The following PRKCB variants were observed in gnomAD, a reference collection of about 807,000 sequenced individuals.
PRKCB encodes protein kinase C beta type.
Under a neutral mutation model 81.5 loss-of-function variants are expected in PRKCB, and 13 were observed. The ratio of observed to expected loss-of-function variants is 0.16; its 90% CI spans 0.10 to 0.25. The LOEUF is 0.25. Among genes scored for constraint, PRKCB ranks in the 10% least tolerant of loss-of-function variants. The probability of loss-of-function intolerance (pLI) is 1.00; values close to 1 mark genes in which losing one functional copy is unlikely to be tolerated. For missense variants in PRKCB, 509 were observed against 875.7 expected, an observed-to-expected ratio of 0.58 and a Z score of 5.29; for synonymous variants, 335 against 321.4, an observed-to-expected ratio of 1.04 and a Z score of -0.45.
Position 24,123,427 on chromosome 16 carries a change from T to C in PRKCB, c.919-408T>C, listed in dbSNP as rs150338796. Among the ~76,000 whole-genome samples the C allele has an allele frequency of 3.8e-3, 577 of 152,278 alleles. 1 individual carries two copies. The highest frequency in any genetic ancestry group is 6.0e-3 in the Non-Finnish European group (406 of 68,006). ...ACCTCGATCTTTACCCTGAAAATGA[T>C]GGGATGCCACTGAGACATTTTAAGC... On this transcript the variant is annotated intron_variant, in intron 8 of 16. Coordinates refer to ENST00000643927, the MANE Select transcript of PRKCB (RefSeq NM_002738.7).
intron 2 of PRKCB, among the ~76,000 whole-genome samples, chr16:23,940,777 A>G (rs1421274569): frequency 6.6e-6 from 1 of 152,142 alleles, no homozygotes; most frequent in African/African-American, 2.4e-5. Context: ...TGCTATTACA[A>G]TGGTGTTCAG....
chr16:23,891,019 G>GTATATA (rs1491107508), intron 2 of PRKCB, among the ~76,000 whole-genome samples: 1 of 120,382 alleles, frequency 8.3e-6, no homozygotes, highest in African/African-American at 3.0e-5. Flanking sequence ...GTGTGTGTGT[G>GTATATA]TGTATATATA....
At position 23,898,067 on chromosome 16, in the gene PRKCB, A is replaced by ATT. The variant is rs34425730; in HGVS notation, c.205+60676_205+60677dup. On this transcript the variant is annotated intron_variant, in intron 2 of 16. Coordinates refer to ENST00000643927, the MANE Select transcript of PRKCB (RefSeq NM_002738.7). Reference sequence around the variant, plus strand: ...GCACATGCACCACCATGCCCGGCTAATTTTTTTTTTTTTTTTGAGACAGAG... The same window carrying ATT: ...GCACATGCACCACCATGCCCGGCTAATTTTTTTTTTTTTTTTTTGAGACAGAG... Among the ~76,000 whole-genome samples, 65 of 134,474 alleles carry ATT rather than the reference A, an allele frequency of 4.8e-4. 1 individual carries two copies. The highest frequency in any genetic ancestry group is 7.6e-4 in the Admixed American group (10 of 13,220). 88.2% of individuals were successfully genotyped at this position (134,474 alleles called of 152,430 possible).
chr16:24,102,011 A>C (rs1966514623), intron 7 of PRKCB, among the ~76,000 whole-genome samples: 1 of 152,190 alleles, frequency 6.6e-6, no homozygotes, highest in African/African-American at 2.4e-5. Flanking sequence ...TCAGGTCCAG[A>C]TTTCTATGAT....
chr16:24,102,573 T>A (rs1326154632), intron 7 of PRKCB, among the ~76,000 whole-genome samples: 1 of 152,252 alleles, frequency 6.6e-6, no homozygotes. Flanking sequence ...AGCTATCAGA[T>A]GTGGTGCACC....
intron 8 of PRKCB, among the ~76,000 whole-genome samples, chr16:24,119,235 A>G (rs1169440388): frequency 6.6e-6 from 1 of 151,930 alleles, no homozygotes; most frequent in Non-Finnish European, 1.5e-5. Context: ...GAGGGAGGAA[A>G]GAGGGGTGCC....
intron 3 of PRKCB, among the ~76,000 whole-genome samples, chr16:24,025,943 A>C (rs955034868): frequency 6.6e-6 from 1 of 152,114 alleles, no homozygotes; most frequent in African/African-American, 2.4e-5. Context: ...TCTGCATGGC[A>C]TGTCATAAGG....
At chr16:24,070,043 G>A (rs941231681) in intron 5 of PRKCB, among the ~76,000 whole-genome samples, 1 of 152,126 alleles carries the variant, frequency 6.6e-6, no homozygotes, top group African/African-American at 2.4e-5. Flanking sequence ...TGCTGTGCCA[G>A]ACACGAGTGC....
At chr16:24,132,006 A>G (rs1212427885) in intron 9 of PRKCB, among the ~76,000 whole-genome samples, 1 of 152,222 alleles carries the variant, frequency 6.6e-6, no homozygotes, top group African/African-American at 2.4e-5. Flanking sequence ...AATAAGGAAT[A>G]TGCGCAACAC....
rs548234151 is a variant in PRKCB at position 24,084,562 on chromosome 16, C to A, written c.530-8229C>A. On this transcript the variant is annotated intron_variant, in intron 5 of 16. Coordinates refer to ENST00000643927, the MANE Select transcript of PRKCB (RefSeq NM_002738.7). ...TACCTCTCTATCTTGAATCCTGAAC[C>A]CTTCAATAAAAGAATTACATTTTTT... Among the ~76,000 whole-genome samples, 3 of 151,906 alleles carry A rather than the reference C, an allele frequency of 2.0e-5. No individual in the cohort carries two copies. In the South Asian group the frequency reaches 6.3e-4, roughly 32 times the overall value.
chr16:23,921,266 C>T (rs933225687), intron 2 of PRKCB, among the ~76,000 whole-genome samples: 3 of 152,164 alleles, frequency 2.0e-5, no homozygotes, highest in African/African-American at 2.4e-5. Context: ...CTGAGTCTCT[C>T]TAGGTCTCAG....
intron 3 of PRKCB, among the ~76,000 whole-genome samples, chr16:24,020,996 C>CTTTCTT (rs1555491026): frequency 7.5e-6 from 1 of 132,528 alleles, no homozygotes; most frequent in Non-Finnish European, 1.6e-5. Context: ...TTCTTTCTTT[C>CTTTCTT]TTTCTTTCTT....
At chr16:24,130,936 T>G (rs1254535491) in intron 9 of PRKCB, among the ~76,000 whole-genome samples, 1 of 152,158 alleles carries the variant, frequency 6.6e-6, no homozygotes, top group Non-Finnish European at 1.5e-5. Flanking sequence ...TGGCTGCAAT[T>G]TTTCACGGTG....
At position 24,087,838 on chromosome 16, in the gene PRKCB, G is replaced by A. The variant is rs1176849066; in HGVS notation, c.530-4953G>A. 6.6e-5 allele frequency among the ~76,000 whole-genome samples: 10 copies of A among 152,204 alleles called. No homozygotes were observed. The Middle Eastern group carries it at 0.014, about 207-fold the overall frequency. Reference sequence around the variant, plus strand: ...ACTTGGACCAGAATGCAGAGGCCTCGCTTGCTCCAAAGACCCTTAGACAGA... The same window carrying A: ...ACTTGGACCAGAATGCAGAGGCCTCACTTGCTCCAAAGACCCTTAGACAGA... On this transcript the variant is annotated intron_variant, in intron 5 of 16. Coordinates refer to ENST00000643927, the MANE Select transcript of PRKCB (RefSeq NM_002738.7).
At chr16:24,100,269 G>A (rs1044877692) in intron 7 of PRKCB, among the ~76,000 whole-genome samples, 40 of 152,006 alleles carry the variant, frequency 2.6e-4, no homozygotes, top group Middle Eastern at 3.4e-3. Context: ...CTTGGCCGAG[G>A]AGGGGGTCTG....
intron 2 of PRKCB, among the ~76,000 whole-genome samples, chr16:23,928,112 A>T (rs1022015124): frequency 6.6e-6 from 1 of 151,924 alleles, no homozygotes; most frequent in Admixed American, 6.6e-5. Flanking sequence ...GGCTGTTTCC[A>T]CAGACGTTTA....
At chr16:23,938,840 G>A (rs1386383930) in intron 2 of PRKCB, among the ~76,000 whole-genome samples, 1 of 152,170 alleles carries the variant, frequency 6.6e-6, no homozygotes, top group Non-Finnish European at 1.5e-5. Flanking sequence ...ACATAGTGCT[G>A]TATGTTCCTG....
At chr16:24,148,739 A>C (rs1253918620) in intron 9 of PRKCB, among the ~76,000 whole-genome samples, 1 of 152,138 alleles carries the variant, frequency 6.6e-6, no homozygotes, top group Non-Finnish European at 1.5e-5. Flanking sequence ...ACTTATTCTA[A>C]AACGAGGGTC....
intron 2 of PRKCB, among the ~76,000 whole-genome samples, chr16:23,851,296 A>G (rs1242878619): frequency 2.6e-5 from 4 of 152,212 alleles, no homozygotes; most frequent in African/African-American, 9.6e-5. Context: ...ATTCTTCTAC[A>G]TGTGGATATC....
Sources: allele counts gnomAD v4.1 joint callset (sites outside exome capture counted in the v4.1 genomes callset), GRCh38; gene constraint gnomAD v4.1.1; transcripts MANE v1.5; gene names NCBI Gene and HGNC (gene_info 2026-07-23, HGNC 2026-07-21).